Variants in DOCK10 observed in about 807,000 individuals in gnomAD.
The protein encoded by DOCK10 is dedicator of cytokinesis 10, also known as dedicator of cytokinesis protein 10.
A neutral mutation model predicts 280.1 loss-of-function variants in DOCK10; 145 were observed. The observed-to-expected ratio is 0.52, with a 90% CI of 0.45 to 0.59. The LOEUF is 0.59. Ranked by LOEUF, DOCK10 falls within the 20% of genes least tolerant of loss-of-function variation. DOCK10 has a pLI of 0.00. For synonymous variants in DOCK10, 915 were observed against 942.2 expected (o/e 0.97, Z 0.53); for missense variants, 2,368 against 2,651.7 (o/e 0.89, Z 2.35).
intron 4 of DOCK10, among the ~76,000 whole-genome samples, chr2:224,888,409 T>C (rs1292063916): frequency 6.6e-6 from 1 of 151,728 alleles, no homozygotes; most frequent in Non-Finnish European, 1.5e-5. Flanking sequence ...TGTGCATGTA[T>C]ATATGAATAT....
At chr2:224,953,287 A>C (rs1042454343) in intron 1 of DOCK10, among the ~76,000 whole-genome samples, 1 of 152,176 alleles carries the variant, frequency 6.6e-6, no homozygotes, top group Admixed American at 6.5e-5. Context: ...ATGCTTGGAT[A>C]ATTCATTTTA....
chr2:224,812,364 T>C (rs1156441618), intron 31 of DOCK10, among the ~76,000 whole-genome samples: 1 of 152,222 alleles, frequency 6.6e-6, no homozygotes, highest in Non-Finnish European at 1.5e-5. Flanking sequence ...TGAAGTTGCT[T>C]ATCAGATTGA....
chr2:224,941,897 A>G (rs1429899952), intron 1 of DOCK10, among the ~76,000 whole-genome samples: 1 of 152,012 alleles, frequency 6.6e-6, no homozygotes, highest in Non-Finnish European at 1.5e-5. Context: ...AGGTAGATTT[A>G]AGGAACCATA....
At chr2:224,905,336 T>C (rs1011486332) in intron 3 of DOCK10, among the ~76,000 whole-genome samples, 2 of 148,362 alleles carry the variant, frequency 1.3e-5, no homozygotes, top group African/African-American at 2.6e-5. Context: ...CAAGCTCCGC[T>C]TCCCGGGTTC....
At chr2:224,881,212 C>T (rs1559643980) in intron 7 of DOCK10, among the ~76,000 whole-genome samples, 1 of 151,910 alleles carries the variant, frequency 6.6e-6, no homozygotes, top group Non-Finnish European at 1.5e-5. Context: ...GGACTTATTG[C>T]TTGAAGTGTG....
intron 3 of DOCK10, among the ~76,000 whole-genome samples, chr2:224,899,062 T>G (rs1700148685): frequency 6.6e-6 from 1 of 152,196 alleles, no homozygotes; most frequent in Non-Finnish European, 1.5e-5. Flanking sequence ...TACCTTGCTG[T>G]GGTTCTCAAA....
intron 51 of DOCK10, among the ~76,000 whole-genome samples, chr2:224,777,146 G>C (rs1358518057): frequency 6.6e-6 from 1 of 152,224 alleles, no homozygotes; most frequent in African/African-American, 2.4e-5. Flanking sequence ...TAATCTAAAA[G>C]AAGAGGTAAG....
rs533196140 is a variant in DOCK10 at position 224,924,136 on chromosome 2, G to A, written c.244-7352C>T. 1.2e-4 allele frequency among the ~76,000 whole-genome samples: 18 copies of A among 152,110 alleles called. No individual in the cohort carries two copies. In the South Asian group the frequency reaches 3.7e-3, roughly 32 times the overall value. ...TTCATGATTCCTTTGTATCCTTCCT[G>A]TGATCACGTGCACCACCTCTATCCT... On this transcript the variant is annotated intron_variant, in intron 2 of 55. Transcript: ENST00000258390.
In DOCK10 at chr2:224,847,740, C is replaced by T. The variant is rs183939731; in HGVS notation, c.2235+1767G>A. Among the ~76,000 whole-genome samples, 3 of 152,128 alleles carry T rather than the reference C, an allele frequency of 2.0e-5. No homozygotes were observed. The East Asian group carries it at 5.8e-4, about 29-fold the overall frequency. ...GGGGGAAAAATTAAAGAGCACTAAACGCATATGGAAGAGTGAAAGAATGTC... is the reference window on the plus strand; with the variant it reads ...GGGGGAAAAATTAAAGAGCACTAAATGCATATGGAAGAGTGAAAGAATGTC... On this transcript the variant is annotated intron_variant, in intron 19 of 55. Transcript: ENST00000258390.
intron 1 of DOCK10, among the ~76,000 whole-genome samples, chr2:225,012,746 C>T (rs904049392): frequency 6.6e-6 from 1 of 152,150 alleles, no homozygotes; most frequent in Non-Finnish European, 1.5e-5. Flanking sequence ...CTAAACATTA[C>T]TTGCTGTTTA....
intron 50 of DOCK10, among the ~76,000 whole-genome samples, chr2:224,785,429 T>A (rs1021078290): frequency 3.3e-5 from 5 of 152,222 alleles, no homozygotes; most frequent in Admixed American, 1.3e-4. Context: ...AATGGCTACT[T>A]GGTGATACTT....
intron 27 of DOCK10, among the ~76,000 whole-genome samples, chr2:224,824,014 T>C (rs1250576700): frequency 8.1e-6 from 1 of 123,196 alleles, no homozygotes; most frequent in Non-Finnish European, 1.6e-5. Context: ...CTACTATTAA[T>C]GGTTAATGAA....
rs759533553 is a variant in DOCK10, at chr2:224,834,172, G to A, written c.2942C>T (p.Thr981Ile). The change falls in exon 26 of 56, where the codon ACA (threonine) becomes ATA (isoleucine). Residue 981 changes from threonine (T) to isoleucine (I), a missense_variant. Coordinates refer to ENST00000258390, the MANE Select transcript of DOCK10 (RefSeq NM_014689.3). ...TACCTTTAGGACATGCTTTACTGTT[G>A]TTGAGTCATTTGATTTCAAAAGACC... ...VTGLLKSNDS[T>I]TVKHVLKHSW... 3 of 1,610,812 alleles carry A rather than the reference G, an allele frequency of 1.9e-6. No individual in the cohort carries two copies. The highest frequency in any genetic ancestry group is 1.7e-5 in the Admixed American group (1 of 59,992).
intron 51 of DOCK10, among the ~76,000 whole-genome samples, chr2:224,777,295 T>C (rs1559375720): frequency 6.6e-6 from 1 of 152,212 alleles, no homozygotes; most frequent in Non-Finnish European, 1.5e-5. Flanking sequence ...AAAGTATTGT[T>C]CCTGGGTGTG....
chr2:225,005,277 C>G (rs1375291005), intron 1 of DOCK10, among the ~76,000 whole-genome samples: 2 of 152,180 alleles, frequency 1.3e-5, no homozygotes, highest in African/African-American at 4.8e-5. Flanking sequence ...TGGCAAACAA[C>G]TTTCTATTCT....
At chr2:224,873,594 C>CAAAA (rs35401247) in intron 11 of DOCK10, among the ~76,000 whole-genome samples, 67 of 33,622 alleles carry the variant, frequency 2.0e-3, no homozygotes, top group East Asian at 2.6e-3. Flanking sequence ...AAGACCATCT[C>CAAAA]AAAAAAAAAA....
chr2:224,874,815 T>G, intron 8 of DOCK10, 64 bp from the exon 9 acceptor site: 1 of 1,458,534 alleles, frequency 6.9e-7, no homozygotes, highest in Non-Finnish European at 9.6e-7. Flanking sequence ...TCTTCTAGCC[T>G]GTGACATGCA....
chr2:224,989,158 C>A (rs1370732554), intron 1 of DOCK10, among the ~76,000 whole-genome samples: 1 of 152,180 alleles, frequency 6.6e-6, no homozygotes, highest in Non-Finnish European at 1.5e-5. Flanking sequence ...CAGAGGGAAC[C>A]AGCCACTTTC....
chr2:224,861,376 T>C (rs1697486492), intron 14 of DOCK10: 1 of 152,190 alleles, frequency 6.6e-6, no homozygotes, highest in South Asian at 2.1e-4. Flanking sequence ...AAGAAACTTG[T>C]TCCAAGTCAC....
Sources: allele counts gnomAD v4.1 joint callset (sites outside exome capture counted in the v4.1 genomes callset), GRCh38; gene constraint gnomAD v4.1.1; transcripts MANE v1.5; gene names NCBI Gene and HGNC (gene_info 2026-07-23, HGNC 2026-07-21).